Variants in TGM7 observed in about 807,000 individuals in gnomAD.
The protein encoded by TGM7 is transglutaminase 7.
TGM7 carries 74 observed loss-of-function variants against 79.5 expected under a neutral mutation model. The observed-to-expected ratio is 0.93, with a 90% confidence interval of 0.77 to 1.13. TGM7 has a LOEUF of 1.13. Ranked by LOEUF, TGM7 falls within the 50% of genes most tolerant of loss-of-function variation. The pLI, the probability that TGM7 is intolerant of heterozygous loss-of-function variation, is 0.00. For synonymous variants in TGM7, 354 were observed against 362.5 expected, an observed-to-expected ratio of 0.98 and a Z score of 0.27; for missense variants, 912 against 905.9, an observed-to-expected ratio of 1.01 and a Z score of -0.09.
chr15:43,301,224 C>G (rs1313622126), intron 1 of TGM7, among the ~76,000 whole-genome samples: 1 of 151,946 alleles, frequency 6.6e-6, no homozygotes, highest in Non-Finnish European at 1.5e-5. Context: ...CTCAAGCGAC[C>G]CGCTTGCCTT....
intron 11 of TGM7, among the ~76,000 whole-genome samples, chr15:43,278,579 T>G (rs988544770): frequency 3.3e-5 from 5 of 152,160 alleles, no homozygotes; most frequent in African/African-American, 1.2e-4. Context: ...GCCTCCTGAG[T>G]ATCTGGGACT....
intron 8 of TGM7, 21 bp downstream of exon 8, chr15:43,282,496 G>A (rs753017603): frequency 2.3e-5 from 36 of 1,561,694 alleles, no homozygotes; most frequent in Admixed American, 5.7e-5. Context: ...GCCAGAGCCT[G>A]TTGCAATGGT....
chr15:43,278,645 G>C (rs932785930), intron 11 of TGM7, among the ~76,000 whole-genome samples: 5 of 152,176 alleles, frequency 3.3e-5, no homozygotes, highest in Non-Finnish European at 7.3e-5. Flanking sequence ...GTAGAGGCAA[G>C]GTCTCGCTAT....
At chr15:43,287,925 C>A (rs566927250) in intron 4 of TGM7, among the ~76,000 whole-genome samples, 2 of 152,174 alleles carry the variant, frequency 1.3e-5, no homozygotes, top group East Asian at 3.9e-4. Context: ...GAGTGAGAGA[C>A]CCCCCTCGGC....
intron 6 of TGM7, among the ~76,000 whole-genome samples, chr15:43,285,538 A>G (rs1441266155): frequency 6.6e-6 from 1 of 152,200 alleles, no homozygotes; most frequent in African/African-American, 2.4e-5. Context: ...GGGTTGTTGT[A>G]CAGATTATTT....
chr15:43,290,362 A>T lies in TGM7; in HGVS notation c.558+1617T>A, dbSNP rs555003347. Among the ~76,000 whole-genome samples, 9 of 152,280 alleles carry T rather than the reference A, an allele frequency of 5.9e-5. 1 individual carries two copies. In the South Asian group the frequency reaches 1.7e-3, roughly 28 times the overall value. ...CTTGTTTTTGTCAGGTTTGTCAAAG[A>T]TCAGATGGTTGTAGATATGCAGCAT... On this transcript the variant is annotated intron_variant, in intron 4 of 12. Coordinates refer to ENST00000452443, the MANE Select transcript of TGM7 (RefSeq NM_052955.3).
chr15:43,278,811 A>G (rs958153906), intron 11 of TGM7, among the ~76,000 whole-genome samples: 2 of 152,242 alleles, frequency 1.3e-5, no homozygotes, highest in African/African-American at 4.8e-5. Flanking sequence ...CCTCTACTTC[A>G]TCTCCTAGTC....
chr15:43,282,015 G>C lies in TGM7; in HGVS notation c.1180C>G (p.Pro394Ala), dbSNP rs2042911981. ...EGDVHLAYDT[P>A]FVYAEVNADE... ...GCGTTCACCTCGGCATACACAAAAG[G>C]GGTGTCATAGGCCAGGTGGACATCC... The change falls in exon 9 of 13, where the codon CCT (proline) becomes GCT (alanine). Residue 394 changes from proline to alanine, a missense_variant. By Grantham distance (27) the Pro-to-Ala change is conservative. Coordinates refer to ENST00000452443, the MANE Select transcript of TGM7 (RefSeq NM_052955.3). 1 of 1,614,058 alleles carries C rather than the reference G, an allele frequency of 6.2e-7. No homozygotes were observed. Among genetic ancestry groups the C allele is most frequent in the Admixed American group, 1.7e-5 (1 of 60,004 alleles).
chr15:43,284,542 T>C (rs1401150588), intron 7 of TGM7, among the ~76,000 whole-genome samples: 2 of 152,124 alleles, frequency 1.3e-5, no homozygotes, highest in Admixed American at 6.6e-5. Context: ...ATAAAGACTT[T>C]TGAGGTCAGT....
At chr15:43,291,097 T>C (rs899480348) in intron 4 of TGM7, among the ~76,000 whole-genome samples, 2 of 152,218 alleles carry the variant, frequency 1.3e-5, no homozygotes, top group African/African-American at 4.8e-5. Context: ...CTTCCAACAC[T>C]ATGTTAAATA....
At chr15:43,281,005 G>A (rs1948237891) in intron 9 of TGM7, among the ~76,000 whole-genome samples, 1 of 152,318 alleles carries the variant, frequency 6.6e-6, no homozygotes, top group South Asian at 2.1e-4. Flanking sequence ...GGTTCAGATT[G>A]TTACTGACAG....
intron 1 of TGM7, among the ~76,000 whole-genome samples, chr15:43,300,176 C>G (rs1031664144): frequency 1.3e-5 from 2 of 152,214 alleles, no homozygotes; most frequent in Non-Finnish European, 2.9e-5. Flanking sequence ...CATTTCAGAA[C>G]ATAGGGGATG....
intron 10 of TGM7, 106 bp downstream of exon 10, chr15:43,279,519 T>G: frequency 1.5e-6 from 2 of 1,375,100 alleles, no homozygotes; most frequent in Non-Finnish European, 2.0e-6. Context: ...GTGTGTGTGT[T>G]GGAGGAAGGG....
rs2042898639 is a variant in TGM7, at chr15:43,279,905, C to A, written c.1398G>T (p.Met466Ile). 1.2e-6 allele frequency: 2 copies of A among 1,614,222 alleles called. No individual in the cohort carries two copies. The highest frequency in any genetic ancestry group is 8.5e-7 in the Non-Finnish European group (1 of 1,180,036). ...GCAAAGAAGCTCTTTGGGGGCCCAG[C>A]ATTTTCCGAGAAGCCTTCATGAAGA... ...RAVFMKASRKMLGPQRASLPF... is the reference protein window; with the variant it reads ...RAVFMKASRKILGPQRASLPF... The change falls in exon 10 of 13, where the codon ATG (methionine) becomes ATT (isoleucine). Residue 466 changes from methionine to isoleucine, a missense_variant. Coordinates refer to ENST00000452443, the MANE Select transcript of TGM7 (RefSeq NM_052955.3).
At position 43,279,856 on chromosome 15, in the gene TGM7, C is replaced by T. The variant is rs1191004890; in HGVS notation, c.1447G>A (p.Gly483Arg). ...TGCGCTGGCTGATCCCTAAGACCCC[C>T]AGACTCCAGGAGATCCAGGAAGGGC... ...SLPFLDLLES[G>R]GLRDQPAQLQ... is the part of the protein sequence containing the mutation. The change falls in exon 10 of 13, where the codon GGG becomes AGG. Residue 483 changes from glycine (G) to arginine (R), a missense_variant. Coordinates refer to ENST00000452443, the MANE Select transcript of TGM7 (RefSeq NM_052955.3). The T allele has an allele frequency of 6.2e-7, 1 of 1,614,256 alleles. No individual in the cohort carries two copies.
At chr15:43,300,870 AG>A (rs768274219) in intron 1 of TGM7, among the ~76,000 whole-genome samples, 10 of 152,206 alleles carry the variant, frequency 6.6e-5, no homozygotes, top group Non-Finnish European at 1.3e-4. Context: ...CAAGGGGAAA[AG>A]ATATGCTAAA....
intron 4 of TGM7, among the ~76,000 whole-genome samples, chr15:43,290,116 G>A (rs2042956477): frequency 6.6e-6 from 1 of 152,134 alleles, no homozygotes; most frequent in Non-Finnish European, 1.5e-5. Flanking sequence ...TTCTTTTGGG[G>A]TTTTAGACAT....
At chr15:43,286,646 A>T (rs2042936994) in intron 6 of TGM7, among the ~76,000 whole-genome samples, 1 of 152,156 alleles carries the variant, frequency 6.6e-6, no homozygotes, top group Non-Finnish European at 1.5e-5. Flanking sequence ...GCAAATGTTC[A>T]TCGAGCTCCA....
At chr15:43,276,672 G>T in intron 12 of TGM7, 58 bp from the exon 13 acceptor site, 1 of 1,575,766 alleles carries the variant, frequency 6.3e-7, no homozygotes, top group Non-Finnish European at 8.6e-7. Flanking sequence ...CGGCAGGGGT[G>T]ATCTGGTTCC....
Sources: allele counts gnomAD v4.1 joint callset (sites outside exome capture counted in the v4.1 genomes callset), GRCh38; gene constraint gnomAD v4.1.1; transcripts MANE v1.5; gene names NCBI Gene and HGNC (gene_info 2026-07-23, HGNC 2026-07-21).